ZCWPW2: variants seen among roughly 807,000 people sequenced by gnomAD.
The protein encoded by ZCWPW2 is zinc finger CW-type and PWWP domain containing 2, also known as zinc finger CW-type PWWP domain protein 2.
Under a neutral mutation model 46.6 loss-of-function variants are expected in ZCWPW2, and 45 were observed. That is an observed-to-expected ratio of 0.96 (90% CI 0.76 to 1.24). ZCWPW2 has a LOEUF of 1.24. Among genes scored for constraint, ZCWPW2 ranks in the 50% most tolerant of loss-of-function variants. The pLI is 0.00. For missense variants in ZCWPW2, 429 were observed against 403.9 expected (o/e 1.06, Z -0.53); for synonymous variants, 152 against 137.1 (o/e 1.11, Z -0.76).
At chr3:28,376,932 A>G (rs1039933169) in intron 1 of ZCWPW2, among the ~76,000 whole-genome samples, 1 of 152,158 alleles carries the variant, frequency 6.6e-6, no homozygotes, top group Non-Finnish European at 1.5e-5. Flanking sequence ...TATTGTGAAC[A>G]TACTGTTTAA....
At chr3:28,476,154 C>A (rs1575180306) in intron 4 of ZCWPW2, among the ~76,000 whole-genome samples, 2 of 150,930 alleles carry the variant, frequency 1.3e-5, no homozygotes, top group South Asian at 2.1e-4. Context: ...TATATAATAT[C>A]TCTGGAAGAC....
intron 3 of ZCWPW2, among the ~76,000 whole-genome samples, chr3:28,429,914 G>A (rs1697179168): frequency 6.6e-6 from 1 of 152,206 alleles, no homozygotes. Context: ...GATTTCAGAG[G>A]ATGTATGGAA....
rs1422968001 is a variant in ZCWPW2, at chr3:28,365,507, T to A, written c.-134+16304T>A. Among the ~76,000 whole-genome samples, 4 of 141,148 alleles carry A rather than the reference T, an allele frequency of 2.8e-5. 1 individual carries two copies. The Admixed American group carries it at 3.0e-4, about 11-fold the overall frequency. The allele number at this position is 141,148 out of a possible 152,430, so 92.6% of individuals were successfully genotyped here. On this transcript the variant is annotated intron_variant, in intron 1 of 9. Transcript: ENST00000383768. ...CTCTGTTCTGTTCCGTTAGTCTATA[T>A]CTCCGTTTTGGTACCAGTACCATGC...
intron 1 of ZCWPW2, among the ~76,000 whole-genome samples, chr3:28,380,565 C>T (rs569754741): frequency 1.5e-4 from 23 of 152,252 alleles, no homozygotes; most frequent in Admixed American, 1.5e-3. Flanking sequence ...TCAATGATTT[C>T]CATGTTGAAA....
chr3:28,474,598 TGTGTGTGTGTGTGTGTGTGTGTGCGCGC>T (rs1237653985), intron 4 of ZCWPW2, among the ~76,000 whole-genome samples: 3 of 147,230 alleles, frequency 2.0e-5, no homozygotes, highest in African/African-American at 7.7e-5. Flanking sequence ...TGTGTGTGTG[TGTGTGTGTGTGTGTGTGTGTGTGCGCGC>T]GCGCGCGCGC....
rs1577152014 is a variant in ZCWPW2 at position 28,348,933 on chromosome 3, A to G, written c.-404A>G. ...GTCGGGACCAGCACGGGCCGGAGGGAGGGGAAGCACTCCGGAAAGTGATTG... is the reference window on the plus strand; with the variant it reads ...GTCGGGACCAGCACGGGCCGGAGGGGGGGGAAGCACTCCGGAAAGTGATTG... On this transcript the variant is annotated 5_prime_UTR_variant, in exon 1 of 10. Coordinates refer to ENST00000383768, the MANE Select transcript of ZCWPW2 (RefSeq NM_001040432.4). 1.0e-6 allele frequency: 1 copy of G among 983,142 alleles called. No homozygotes were observed. Among genetic ancestry groups the G allele is most frequent in the Non-Finnish European group, 1.2e-6 (1 of 828,020 alleles). 60.9% of individuals were successfully genotyped at this position (983,142 alleles called of 1,614,324 possible). A position where few individuals can be genotyped will look rare whatever the true frequency, so the allele number is the denominator to read the frequency against.
intron 6 of ZCWPW2, among the ~76,000 whole-genome samples, chr3:28,495,440 G>T (rs567443396): frequency 1.3e-5 from 2 of 152,062 alleles, no homozygotes; most frequent in Non-Finnish European, 2.9e-5. Flanking sequence ...ATAGTAACTA[G>T]TGTTTCTATA....
chr3:28,453,716 A>G (rs966021946), intron 4 of ZCWPW2, among the ~76,000 whole-genome samples: 1 of 152,072 alleles, frequency 6.6e-6, no homozygotes. Context: ...GCTGGAGAGT[A>G]ACTTCTTGTT....
At chr3:28,484,750 C>T (rs979116545) in intron 5 of ZCWPW2, among the ~76,000 whole-genome samples, 6 of 150,642 alleles carry the variant, frequency 4.0e-5, no homozygotes, top group Non-Finnish European at 7.4e-5. Flanking sequence ...TCCTGCCTGC[C>T]TTCCTGCCTG....
At chr3:28,357,396 G>A (rs143323062) in intron 1 of ZCWPW2, among the ~76,000 whole-genome samples, 10 of 152,276 alleles carry the variant, frequency 6.6e-5, no homozygotes, top group East Asian at 3.9e-4. Flanking sequence ...AATGTGTGCC[G>A]TGGGCTGCCC....
chr3:28,476,853 T>A (rs1699252722), intron 4 of ZCWPW2, among the ~76,000 whole-genome samples: 1 of 152,042 alleles, frequency 6.6e-6, no homozygotes, highest in Non-Finnish European at 1.5e-5. Flanking sequence ...ACAACCTAGA[T>A]CTCTCCCACG....
intron 9 of ZCWPW2, among the ~76,000 whole-genome samples, chr3:28,522,625 A>G (rs182508273): frequency 6.6e-6 from 1 of 152,322 alleles, no homozygotes; most frequent in African/African-American, 2.4e-5. Flanking sequence ...TATGGAGATT[A>G]TTATGCTAAA....
intron 1 of ZCWPW2, among the ~76,000 whole-genome samples, chr3:28,373,670 T>G (rs185853276): frequency 4.3e-4 from 66 of 152,138 alleles, no homozygotes; most frequent in Non-Finnish European, 7.9e-4. Flanking sequence ...GAGATGGGGT[T>G]TCACCATCTT....
chr3:28,427,069 G>A (rs941963667), intron 3 of ZCWPW2, among the ~76,000 whole-genome samples: 2 of 152,118 alleles, frequency 1.3e-5, no homozygotes, highest in African/African-American at 4.8e-5. Flanking sequence ...TGTTGCATTT[G>A]TGCATTTTAC....
At chr3:28,474,403 T>G (rs1575177711) in intron 4 of ZCWPW2, among the ~76,000 whole-genome samples, 1 of 152,150 alleles carries the variant, frequency 6.6e-6, no homozygotes. Context: ...CAAAATGACA[T>G]ATGGACAAAA....
intron 1 of ZCWPW2, among the ~76,000 whole-genome samples, chr3:28,359,312 A>G (rs766194703): frequency 5.1e-4 from 78 of 152,244 alleles, no homozygotes; most frequent in Non-Finnish European, 8.7e-4. Flanking sequence ...ATTAAGTTTG[A>G]ACATTTTTCT....
intron 6 of ZCWPW2, among the ~76,000 whole-genome samples, chr3:28,494,227 T>A (rs556450099): frequency 1.7e-3 from 49 of 29,318 alleles, no homozygotes; most frequent in Non-Finnish European, 2.9e-3. Context: ...TCCTTGCCCA[T>A]GCCTATGTCC....
intron 2 of ZCWPW2, among the ~76,000 whole-genome samples, chr3:28,408,449 G>A (rs150199176): frequency 2.0e-5 from 3 of 150,524 alleles, no homozygotes; most frequent in African/African-American, 7.3e-5. Context: ...TAGTTTTTCT[G>A]TTTCTTTTTA....
At chr3:28,349,565 ACTGGAGTTGCGCCCGGCTTCC>A (rs753272988) in intron 1 of ZCWPW2, among the ~76,000 whole-genome samples, 3 of 152,158 alleles carry the variant, frequency 2.0e-5, no homozygotes, top group Non-Finnish European at 4.4e-5. Context: ...ATGCCAGAGT[ACTGGAGTTGCGCCCGGCTTCC>A]CTGGAGTTGC....
Sources: gnomAD v4.1 joint callset for allele counts (sites outside exome capture counted in the v4.1 genomes callset) on GRCh38, gnomAD v4.1.1 for gene constraint, MANE v1.5 for transcripts, NCBI Gene and HGNC (gene_info 2026-07-23, HGNC 2026-07-21) for gene names.